PLPP4: variants seen among roughly 807,000 people sequenced by gnomAD.
PLPP4 encodes the protein phospholipid phosphatase 4, also known as diacylglycerol pyrophosphate like 2.
Under a neutral mutation model 32.2 loss-of-function variants are expected in PLPP4, and 20 were observed. The ratio of observed to expected loss-of-function variants is 0.62; its 90% CI spans 0.44 to 0.90. The LOEUF (loss-of-function observed/expected upper bound fraction) is 0.90. Among genes scored for constraint, PLPP4 ranks in the 40% least tolerant of loss-of-function variants. PLPP4 has a pLI of 0.00. For missense variants in PLPP4, 257 were observed against 353.1 expected, an observed-to-expected ratio of 0.73 and a Z score of 2.18; for synonymous variants, 127 against 133.0, an observed-to-expected ratio of 0.95 and a Z score of 0.31.
At chr10:120,496,316 T>C (rs992492002) in intron 1 of PLPP4, among the ~76,000 whole-genome samples, 1 of 152,238 alleles carries the variant, frequency 6.6e-6, no homozygotes, top group Non-Finnish European at 1.5e-5. Flanking sequence ...TCCCTTGTCA[T>C]GGACTTGCTG....
intron 1 of PLPP4, among the ~76,000 whole-genome samples, chr10:120,490,913 AG>A (rs1454290354): frequency 6.6e-6 from 1 of 152,238 alleles, no homozygotes; most frequent in East Asian, 1.9e-4. Context: ...GCAGCTCAAA[AG>A]CACCTTCAAA....
intron 5 of PLPP4, among the ~76,000 whole-genome samples, chr10:120,570,240 A>G (rs1848871199): frequency 6.6e-6 from 1 of 151,974 alleles, no homozygotes; most frequent in South Asian, 2.1e-4. Context: ...GCAGGCATTG[A>G]CCAGGCAGGC....
At chr10:120,566,191 AG>A (rs1383988090) in intron 5 of PLPP4, among the ~76,000 whole-genome samples, 6 of 152,028 alleles carry the variant, frequency 3.9e-5, no homozygotes, top group African/African-American at 1.4e-4. Context: ...TTTTTCTTAT[AG>A]GTTCTCATTT....
intron 1 of PLPP4, among the ~76,000 whole-genome samples, chr10:120,493,699 G>T (rs1844823122): frequency 6.6e-6 from 1 of 152,152 alleles, no homozygotes; most frequent in Non-Finnish European, 1.5e-5. Context: ...TACAGCAGTA[G>T]AGTACGTGTT....
At chr10:120,518,748 A>G in intron 3 of PLPP4, 85 bp from the exon 4 acceptor site, 1 of 1,049,412 alleles carries the variant, frequency 9.5e-7, no homozygotes, top group Non-Finnish European at 1.5e-6. Context: ...TTATAATGTA[A>G]CAGTGATGAT....
At chr10:120,498,586 G>T (rs1482581105) in intron 1 of PLPP4, among the ~76,000 whole-genome samples, 1 of 151,802 alleles carries the variant, frequency 6.6e-6, no homozygotes, top group African/African-American at 2.4e-5. Flanking sequence ...ATAACTAGTG[G>T]TATTATCCAC....
intron 6 of PLPP4, chr10:120,580,846 T>G: frequency 7.8e-7 from 1 of 1,276,890 alleles, no homozygotes; most frequent in Non-Finnish European, 1.0e-6. Flanking sequence ...AAATTCTCCC[T>G]CTAATATCCT....
At chr10:120,509,346 A>T (rs527535079) in intron 2 of PLPP4, among the ~76,000 whole-genome samples, 2 of 152,132 alleles carry the variant, frequency 1.3e-5, no homozygotes, top group African/African-American at 4.8e-5. Flanking sequence ...GGCTGAACTC[A>T]CCTCTCCTCA....
chr10:120,500,328 G>A (rs2133858958), intron 1 of PLPP4, among the ~76,000 whole-genome samples: 1 of 152,304 alleles, frequency 6.6e-6, no homozygotes, highest in East Asian at 1.9e-4. Context: ...AGGTTCTGGG[G>A]TCTCACAGAG....
At chr10:120,556,381 C>T (rs1246833083) in intron 5 of PLPP4, among the ~76,000 whole-genome samples, 1 of 152,190 alleles carries the variant, frequency 6.6e-6, no homozygotes, top group African/African-American at 2.4e-5. Context: ...TTAGAAATCA[C>T]AGCGGGAGTG....
chr10:120,484,591 A>G (rs1484484987), intron 1 of PLPP4, among the ~76,000 whole-genome samples: 1 of 152,230 alleles, frequency 6.6e-6, no homozygotes, highest in Non-Finnish European at 1.5e-5. Flanking sequence ...CTTATGGCCT[A>G]ATTACCTCTT....
intron 5 of PLPP4, among the ~76,000 whole-genome samples, chr10:120,563,885 A>G (rs1403800347): frequency 7.0e-6 from 1 of 143,714 alleles, no homozygotes; most frequent in Non-Finnish European, 1.5e-5. Flanking sequence ...AGTAATTTTT[A>G]TTTGTTTTTA....
intron 1 of PLPP4, among the ~76,000 whole-genome samples, chr10:120,482,284 C>T (rs1298127164): frequency 3.9e-5 from 6 of 152,116 alleles, no homozygotes; most frequent in Non-Finnish European, 7.4e-5. Flanking sequence ...CTTGTTGTAT[C>T]GTTTTGACCA....
chr10:120,465,286 C>G (rs369159845), intron 1 of PLPP4, among the ~76,000 whole-genome samples: 1 of 152,170 alleles, frequency 6.6e-6, no homozygotes, highest in African/African-American at 2.4e-5. Flanking sequence ...GGGCCCTTGT[C>G]GTCATTCAAC....
intron 1 of PLPP4, among the ~76,000 whole-genome samples, chr10:120,498,654 C>CTTTTTT (rs11287636): frequency 1.4e-5 from 2 of 143,412 alleles, no homozygotes. Flanking sequence ...CTCTTCTATT[C>CTTTTTT]TTTTTTTTTT....
At chr10:120,504,047 C>T in intron 2 of PLPP4, 121 bp downstream of exon 2, 2 of 663,122 alleles carry the variant, frequency 3.0e-6, no homozygotes. Flanking sequence ...AGAAGGAGAG[C>T]AGCCCATCAA....
intron 1 of PLPP4, among the ~76,000 whole-genome samples, chr10:120,479,078 T>G (rs1844072251): frequency 6.6e-6 from 1 of 152,060 alleles, no homozygotes; most frequent in South Asian, 2.1e-4. Flanking sequence ...TACAAAAAAT[T>G]AGCCGGGCAT....
intron 5 of PLPP4, among the ~76,000 whole-genome samples, chr10:120,524,029 T>G (rs1166671053): frequency 1.3e-5 from 2 of 152,234 alleles, no homozygotes; most frequent in Non-Finnish European, 1.5e-5. Flanking sequence ...GTGGCTGACA[T>G]CTGATCTGTG....
At chr10:120,574,868 T>G (rs1246664831) in intron 5 of PLPP4, among the ~76,000 whole-genome samples, 1 of 152,182 alleles carries the variant, frequency 6.6e-6, no homozygotes, top group Non-Finnish European at 1.5e-5. Flanking sequence ...TAGCACAGAG[T>G]GGAGACTCCT....
Sources: gnomAD v4.1 joint callset for allele counts (sites outside exome capture counted in the v4.1 genomes callset) on GRCh38, gnomAD v4.1.1 for gene constraint, MANE v1.5 for transcripts, NCBI Gene and HGNC (gene_info 2026-07-23, HGNC 2026-07-21) for gene names.